Variants in KCNH1 observed in about 807,000 individuals in gnomAD.
KCNH1 encodes the protein potassium voltage-gated channel subfamily H member 1, also known as voltage-gated delayed rectifier potassium channel KCNH1.
Under a neutral mutation model 69.2 loss-of-function variants are expected in KCNH1, and 27 were observed. The ratio of observed to expected loss-of-function variants is 0.39; its 90% CI spans 0.29 to 0.54. The LOEUF is 0.54. KCNH1 is among the 20% of genes least tolerant of loss of function. KCNH1 has a pLI of 0.68. For missense variants in KCNH1, 798 were observed against 1,261.6 expected (o/e 0.63, Z 5.57); for synonymous variants, 456 against 487.7 (o/e 0.93, Z 0.86).
chr1:210,743,884 T>C (rs2149038499), intron 10 of KCNH1, among the ~76,000 whole-genome samples: 1 of 152,166 alleles, frequency 6.6e-6, no homozygotes, highest in East Asian at 1.9e-4. Flanking sequence ...ACTGGGAGCT[T>C]CCCCTTCTCC....
chr1:210,959,656 T>C (rs904553142), intron 6 of KCNH1, among the ~76,000 whole-genome samples: 3 of 152,172 alleles, frequency 2.0e-5, no homozygotes, highest in African/African-American at 7.2e-5. Context: ...CACAGGTCAA[T>C]CTCAGACTGC....
chr1:210,784,013 G>A (rs1021643042), intron 9 of KCNH1, among the ~76,000 whole-genome samples: 2 of 152,194 alleles, frequency 1.3e-5, no homozygotes. Flanking sequence ...CACATTCAGA[G>A]CAAAACCTCC....
intron 7 of KCNH1, among the ~76,000 whole-genome samples, chr1:210,847,171 G>A (rs1388872385): frequency 6.6e-6 from 1 of 152,144 alleles, no homozygotes; most frequent in Non-Finnish European, 1.5e-5. Context: ...AGTCAGTGTG[G>A]CGATTCCTCA....
At chr1:210,745,062 G>A (rs369569032) in intron 10 of KCNH1, among the ~76,000 whole-genome samples, 1 of 152,214 alleles carries the variant, frequency 6.6e-6, no homozygotes, top group East Asian at 1.9e-4. Context: ...AATTAGCCGG[G>A]CGTGGTGGTG....
At chr1:211,047,761 A>G (rs1179103813) in intron 5 of KCNH1, among the ~76,000 whole-genome samples, 1 of 152,212 alleles carries the variant, frequency 6.6e-6, no homozygotes, top group Non-Finnish European at 1.5e-5. Flanking sequence ...TTAGCAGGGT[A>G]AAAACAGACA....
chr1:210,934,884 T>C (rs964506520), intron 6 of KCNH1, among the ~76,000 whole-genome samples: 2 of 151,844 alleles, frequency 1.3e-5, no homozygotes, highest in Admixed American at 6.6e-5. Context: ...CTTGTATATA[T>C]ACAAGCAATA....
chr1:210,878,895 C>T (rs1443762251), intron 7 of KCNH1, among the ~76,000 whole-genome samples: 1 of 151,846 alleles, frequency 6.6e-6, no homozygotes, highest in Non-Finnish European at 1.5e-5. Context: ...CAGGCTAATT[C>T]TAAAAAGGAG....
intron 6 of KCNH1, among the ~76,000 whole-genome samples, chr1:210,969,159 TCTTA>T (rs1331223130): frequency 2.0e-5 from 3 of 152,062 alleles, no homozygotes; most frequent in African/African-American, 7.2e-5. Flanking sequence ...CATTATGAAT[TCTTA>T]TTTACTCTTT....
In KCNH1 at chr1:210,682,590, G is replaced by A. The variant is rs1011330421; in HGVS notation, c.*691C>T. ...CCGCAGAGAACCCCTGGATCTTAAG[G>A]GCCCCTCTCCAGCTCTTACCCTTGC... On this transcript the variant is annotated 3_prime_UTR_variant, in exon 11 of 11. Coordinates refer to ENST00000271751, the MANE Select transcript of KCNH1 (RefSeq NM_172362.3). 2.0e-5 allele frequency: 3 copies of A among 152,520 alleles called. No individual in the cohort carries two copies. The highest frequency in any genetic ancestry group is 7.2e-5 in the African/African-American group (3 of 41,434). 9.4% of individuals were successfully genotyped at this position (152,520 alleles called of 1,614,324 possible). A position where few individuals can be genotyped will look rare whatever the true frequency, so the allele number is the denominator to read the frequency against.
At chr1:210,983,298 T>G (rs901602722) in intron 6 of KCNH1, among the ~76,000 whole-genome samples, 4 of 152,184 alleles carry the variant, frequency 2.6e-5, no homozygotes, top group African/African-American at 9.7e-5. Context: ...GTCAATTTTG[T>G]CTTTTGTTGC....
intron 7 of KCNH1, among the ~76,000 whole-genome samples, chr1:210,876,937 C>G (rs1332268272): frequency 6.6e-6 from 1 of 151,936 alleles, no homozygotes. Flanking sequence ...TTAAGTATAC[C>G]AGATTGCCTT....
chr1:210,698,462 G>GTT (rs1168099913), intron 10 of KCNH1, among the ~76,000 whole-genome samples: 1 of 152,158 alleles, frequency 6.6e-6, no homozygotes, highest in South Asian at 2.1e-4. Context: ...CAGAAGAAGA[G>GTT]AAGGTAAAAG....
intron 10 of KCNH1, among the ~76,000 whole-genome samples, chr1:210,764,167 T>C (rs1394989164): frequency 6.6e-6 from 1 of 152,072 alleles, no homozygotes; most frequent in Non-Finnish European, 1.5e-5. Flanking sequence ...GCTAACTATA[T>C]GCAGAAGAAT....
In KCNH1 at chr1:210,932,576, T is replaced by C. The variant is rs563381891; in HGVS notation, c.1033-12507A>G. Reference sequence around the variant, plus strand: ...AAAAGATACACATTGGATGAATGAATAAAAAACCAAGACCCAACTACATGC... The same window carrying C: ...AAAAGATACACATTGGATGAATGAACAAAAAACCAAGACCCAACTACATGC... On this transcript the variant is annotated intron_variant, in intron 6 of 10. Coordinates refer to ENST00000271751, the MANE Select transcript of KCNH1 (RefSeq NM_172362.3). Among the ~76,000 whole-genome samples, 9 of 151,988 alleles carry C rather than the reference T, an allele frequency of 5.9e-5. No individual in the cohort carries two copies. In the South Asian group the frequency reaches 1.9e-3, roughly 31 times the overall value.
Position 210,684,157 on chromosome 1 carries a change from A to G in KCNH1, c.2113-19T>C. The G allele has an allele frequency of 6.7e-7, 1 of 1,498,028 alleles. No homozygotes were observed. Among genetic ancestry groups the G allele is most frequent in the Non-Finnish European group, 8.9e-7 (1 of 1,125,828 alleles). The allele number at this position is 1,498,028 out of a possible 1,614,324, so 92.8% of individuals were successfully genotyped here. On this transcript the variant is annotated intron_variant, in intron 10 of 10. Transcript: ENST00000271751. ...ACACAATCTGGAGAGAGAGAGAGAGAGAATGACATGGCGTGTTAGCCACAT... is the reference window on the plus strand; with the variant it reads ...ACACAATCTGGAGAGAGAGAGAGAGGGAATGACATGGCGTGTTAGCCACAT...
At chr1:210,996,202 A>G (rs1428945416) in intron 6 of KCNH1, among the ~76,000 whole-genome samples, 1 of 152,202 alleles carries the variant, frequency 6.6e-6, no homozygotes, top group Non-Finnish European at 1.5e-5. Flanking sequence ...TCACTCGGGA[A>G]GCACAAAGGG....
rs547018435 is a variant in KCNH1, at chr1:210,859,767, A to G, written c.1463-55601T>C. Reference sequence around the variant, plus strand: ...GTTCCATATCAATAAGAGCACAGAGACTGAGAACACACATCCTTCTGTCAT... The same window carrying G: ...GTTCCATATCAATAAGAGCACAGAGGCTGAGAACACACATCCTTCTGTCAT... On this transcript the variant is annotated intron_variant, in intron 7 of 10. Coordinates refer to ENST00000271751, the MANE Select transcript of KCNH1 (RefSeq NM_172362.3). The G allele has an allele frequency of 1.4e-4, 139 of 1,018,778 alleles. No homozygotes were observed. In the African/African-American group the frequency reaches 1.9e-3, roughly 14 times the overall value. The allele number at this position is 1,018,778 out of a possible 1,614,324, so 63.1% of individuals were successfully genotyped here.
chr1:210,846,181 TCG>T (rs1685542554), intron 7 of KCNH1, among the ~76,000 whole-genome samples: 1 of 152,172 alleles, frequency 6.6e-6, no homozygotes, highest in Non-Finnish European at 1.5e-5. Flanking sequence ...TTCAATGCCA[TCG>T]CCATCAAGCT....
chr1:210,909,615 C>A (rs1447423106), intron 7 of KCNH1, among the ~76,000 whole-genome samples: 1 of 152,190 alleles, frequency 6.6e-6, no homozygotes, highest in Non-Finnish European at 1.5e-5. Context: ...AGATCCATAC[C>A]CATGCTTGTC....
Sources: allele counts gnomAD v4.1 joint callset (sites outside exome capture counted in the v4.1 genomes callset), GRCh38; gene constraint gnomAD v4.1.1; transcripts MANE v1.5; gene names NCBI Gene and HGNC (gene_info 2026-07-23, HGNC 2026-07-21).